The following ASPH variants were observed in gnomAD, a reference collection of about 807,000 sequenced individuals.
ASPH encodes the protein aspartate beta-hydroxylase, also known as aspartyl/asparaginyl beta-hydroxylase.
A neutral mutation model predicts 118.4 loss-of-function variants in ASPH; 100 were observed. That is an observed-to-expected ratio of 0.84 (90% CI 0.72 to 1.00). The LOEUF (loss-of-function observed/expected upper bound fraction) is 1.00. Ranked by LOEUF, ASPH falls within the 50% of genes least tolerant of loss-of-function variation. ASPH has a pLI of 0.00. For missense variants in ASPH, 920 were observed against 919.5 expected (o/e 1.00, Z -0.01); for synonymous variants, 315 against 325.6 (o/e 0.97, Z 0.35).
Position 61,638,361 on chromosome 8 carries a change from C to T in ASPH, c.793G>A (p.Val265Ile), listed in dbSNP as rs765389479. 2.6e-6 allele frequency: 4 copies of T among 1,563,506 alleles called. No homozygotes were observed. The highest frequency in any genetic ancestry group is 1.2e-5 in the South Asian group (1 of 83,590). The change falls in exon 11 of 25, where the codon GTA becomes ATA. Residue 265 changes from valine to isoleucine, a missense_variant and splice_region_variant. Val to Ile is a conservative substitution (Grantham distance 29, BLOSUM62 3). Transcript: ENST00000379454. ...CCTTCATTTTCTAGAGGTTCATATA[C>T]TGCTAAAAAAAAAAAAACAGAAACA... ...VTYQVYEEQA[V>I]YEPLENEGIE...
At chr8:61,616,409 T>C (rs543945479) in intron 14 of ASPH, among the ~76,000 whole-genome samples, 11 of 152,358 alleles carry the variant, frequency 7.2e-5, no homozygotes, top group African/African-American at 2.2e-4. Context: ...CAAGTGTTTC[T>C]GTTTATCTGC....
intron 18 of ASPH, among the ~76,000 whole-genome samples, chr8:61,556,765 G>C (rs1828025016): frequency 6.6e-6 from 1 of 152,218 alleles, no homozygotes. Flanking sequence ...GAACAAAAGA[G>C]AAGGATGGAG....
intron 14 of ASPH, among the ~76,000 whole-genome samples, chr8:61,594,863 T>C (rs1012075842): frequency 5.3e-5 from 8 of 152,218 alleles, no homozygotes; most frequent in Non-Finnish European, 1.0e-4. Flanking sequence ...AGGACTATTG[T>C]ATATATTATA....
At chr8:61,626,598 CAG>C (rs1000609255) in intron 13 of ASPH, among the ~76,000 whole-genome samples, 5 of 151,362 alleles carry the variant, frequency 3.3e-5, no homozygotes, top group East Asian at 3.9e-4. Context: ...TAAAAAGAAA[CAG>C]AAATCTAGTA....
chr8:61,649,287 A>G (rs1332353586), intron 5 of ASPH, among the ~76,000 whole-genome samples: 2 of 152,212 alleles, frequency 1.3e-5, no homozygotes, highest in East Asian at 3.9e-4. Flanking sequence ...TTTCAAGTTA[A>G]GCAAGTAAGA....
At chr8:61,696,696 T>C (rs1834002472) in intron 1 of ASPH, among the ~76,000 whole-genome samples, 1 of 151,832 alleles carries the variant, frequency 6.6e-6, no homozygotes, top group Admixed American at 6.6e-5. Flanking sequence ...TATTCAATTG[T>C]CCACATGGGT....
In ASPH at chr8:61,526,180, G is replaced by GA. The variant is rs539094293; in HGVS notation, c.1765-69_1765-68insT. On this transcript the variant is annotated intron_variant, in intron 21 of 24. Coordinates refer to ENST00000379454, the MANE Select transcript of ASPH (RefSeq NM_004318.4). ...GGTGGAGCACCTCATAATGACTCTT[G>GA]TTTTTTTTGAGGTTCGTCTCAGAAA... 42 of 1,569,820 alleles carry GA rather than the reference G, an allele frequency of 2.7e-5. No individual in the cohort carries two copies. In the East Asian group the frequency reaches 9.0e-4, roughly 34 times the overall value.
intron 3 of ASPH, among the ~76,000 whole-genome samples, chr8:61,680,053 G>A (rs1827292845): frequency 1.3e-5 from 2 of 151,296 alleles, no homozygotes; most frequent in Non-Finnish European, 3.0e-5. Context: ...ATTTCATAAG[G>A]AGGTGGAATT....
rs540334990 is a variant in ASPH at position 61,699,093 on chromosome 8, G to A, written c.104-14905C>T. ...TGCCATATCAGTTGTGATCTCCAGAGGACCCTGGGGACCCCAAAATTATAG... is the reference window on the plus strand; with the variant it reads ...TGCCATATCAGTTGTGATCTCCAGAAGACCCTGGGGACCCCAAAATTATAG... On this transcript the variant is annotated intron_variant, in intron 1 of 24. Coordinates refer to ENST00000379454, the MANE Select transcript of ASPH (RefSeq NM_004318.4). 4.4e-4 allele frequency among the ~76,000 whole-genome samples: 67 copies of A among 152,326 alleles called. 1 individual carries two copies. In the Middle Eastern group the frequency reaches 0.027, roughly 62 times the overall value.
chr8:61,709,622 T>C (rs1428667969), intron 1 of ASPH, among the ~76,000 whole-genome samples: 1 of 152,226 alleles, frequency 6.6e-6, no homozygotes, highest in Non-Finnish European at 1.5e-5. Flanking sequence ...ACAGGGTTTA[T>C]TAAAGAGAAG....
intron 24 of ASPH, among the ~76,000 whole-genome samples, chr8:61,515,677 A>C (rs980866948): frequency 6.6e-6 from 1 of 152,176 alleles, no homozygotes; most frequent in African/African-American, 2.4e-5. Flanking sequence ...AATAAAATAC[A>C]TAAGCACTAA....
intron 1 of ASPH, among the ~76,000 whole-genome samples, chr8:61,711,848 A>G (rs147946851): frequency 0.033 from 5,048 of 152,292 alleles, 264 homozygotes; most frequent in African/African-American, 0.11. Context: ...TCAAACTAAA[A>G]TTTCAAATAG....
At chr8:61,670,826 G>A (rs1315049656) in intron 3 of ASPH, among the ~76,000 whole-genome samples, 3 of 151,822 alleles carry the variant, frequency 2.0e-5, no homozygotes, top group Non-Finnish European at 1.5e-5. Context: ...TAGTAATGTT[G>A]TAAAGGGAAG....
At chr8:61,550,344 C>T (rs1281266313) in intron 20 of ASPH, among the ~76,000 whole-genome samples, 1 of 151,996 alleles carries the variant, frequency 6.6e-6, no homozygotes, top group Non-Finnish European at 1.5e-5. Flanking sequence ...GCAGTAAGAG[C>T]CCCTGGGCCA....
chr8:61,695,594 T>C (rs1489897720), intron 1 of ASPH, among the ~76,000 whole-genome samples: 1 of 152,226 alleles, frequency 6.6e-6, no homozygotes, highest in Non-Finnish European at 1.5e-5. Flanking sequence ...CTTCCCTTAC[T>C]CTCACAGCAG....
Position 61,569,708 on chromosome 8 carries a change from G to C in ASPH, c.1150-2390C>G, listed in dbSNP as rs149776257. Among the ~76,000 whole-genome samples the C allele has an allele frequency of 8.5e-5, 13 of 152,218 alleles. No homozygotes were observed. The East Asian group carries it at 2.5e-3, about 29-fold the overall frequency. On this transcript the variant is annotated intron_variant, in intron 16 of 24. Coordinates refer to ENST00000379454, the MANE Select transcript of ASPH (RefSeq NM_004318.4). Reference sequence around the variant, plus strand: ...ACAGATTTATGAGAAAGAAAACTTGGTAGGATAAAAATCTCTAGATTAGAA... The same window carrying C: ...ACAGATTTATGAGAAAGAAAACTTGCTAGGATAAAAATCTCTAGATTAGAA...
rs998427 is a variant in ASPH at position 61,638,377 on chromosome 8, A to C, written c.791-14T>G. On this transcript the variant is annotated splice_polypyrimidine_tract_variant and intron_variant, in intron 10 of 24. Transcript: ENST00000379454. ...GTTCATATACTGCTAAAAAAAAAAA[A>C]ACAGAAACAAAATCCCGTAACTTTC... is the stretch of plus-strand genomic sequence containing the variant. 196,402 of 1,554,944 alleles carry C rather than the reference A, an allele frequency of 0.13. 9,130 individuals are homozygous for C. Among genetic ancestry groups the C allele is most frequent in the African/African-American group, 0.18 (12,806 of 71,806 alleles).
At chr8:61,600,748 T>C (rs187678254) in intron 14 of ASPH, among the ~76,000 whole-genome samples, 1 of 151,612 alleles carries the variant, frequency 6.6e-6, no homozygotes, top group East Asian at 1.9e-4. Context: ...AATCTAATCA[T>C]AGCAATAATC....
At chr8:61,611,089 GC>G (rs1847193941) in intron 14 of ASPH, among the ~76,000 whole-genome samples, 1 of 152,190 alleles carries the variant, frequency 6.6e-6, no homozygotes, top group South Asian at 2.1e-4. Flanking sequence ...AGCATCCCTG[GC>G]TGACTTAGTT....
Sources: gnomAD v4.1 joint callset for allele counts (sites outside exome capture counted in the v4.1 genomes callset) on GRCh38, gnomAD v4.1.1 for gene constraint, MANE v1.5 for transcripts, NCBI Gene and HGNC (gene_info 2026-07-23, HGNC 2026-07-21) for gene names.